VPS37A: variants seen among roughly 807,000 people sequenced by gnomAD.
The protein encoded by VPS37A is vacuolar protein sorting-associated protein 37A.
VPS37A carries 30 observed loss-of-function variants against 49.8 expected under a neutral mutation model. The ratio of observed to expected loss-of-function variants is 0.60; its 90% confidence interval spans 0.45 to 0.82. The LOEUF is 0.82. Among genes scored for constraint, VPS37A ranks in the 40% least tolerant of loss-of-function variants. The pLI is 0.00. For synonymous variants in VPS37A, 195 were observed against 160.6 expected (o/e 1.21, Z -1.62); for missense variants, 593 against 464.4 (o/e 1.28, Z -2.55).
downstream of VPS37A, chr8:17,304,367 G>C: frequency 6.2e-7 from 1 of 1,607,552 alleles, no homozygotes; most frequent in African/African-American, 1.3e-5. Flanking sequence ...AAGTTACCAA[G>C]GATTTACATA....
intron 1 of VPS37A, among the ~76,000 whole-genome samples, chr8:17,256,826 A>G (rs1037643948): frequency 4.0e-5 from 6 of 151,854 alleles, no homozygotes; most frequent in African/African-American, 9.7e-5. Flanking sequence ...CTAATTTTGT[A>G]TCTTTAGTAG....
In VPS37A at chr8:17,274,815, A is replaced by C. The variant is rs866464564; in HGVS notation, c.499A>C (p.Asn167His). 3 of 1,614,050 alleles carry C rather than the reference A, an allele frequency of 1.9e-6. No homozygotes were observed. In the African/African-American group the frequency reaches 4.0e-5, roughly 22 times the overall value. ...TCCTCCATATCCTCCACAAGAAGCA[A>C]ACAGGAGTATCACTTCTTTATCTGT... The part of the protein sequence containing the change: ...FLPPYPPQEA[N>H]RSITSLSVAD... The change falls in exon 5 of 12, where the codon AAC becomes CAC. Residue 167 changes from asparagine to histidine, a missense_variant. Coordinates refer to ENST00000324849, the MANE Select transcript of VPS37A (RefSeq NM_152415.3).
At chr8:17,330,351 G>C in the VPS37A span, among the ~76,000 whole-genome samples, 51,399 of 152,114 alleles carry the variant, frequency 0.34, 10,605 homozygotes, top group African/African-American at 0.56. Context: ...AGCGCAGACA[G>C]TGCATGGACA....
chr8:17,311,505 A>G, the VPS37A span: 1 of 1,614,040 alleles, frequency 6.2e-7, no homozygotes. Context: ...CAGTGGCCAC[A>G]CTCACCATGA....
At chr8:17,299,653 T>C, downstream of VPS37A, 1 of 625,144 alleles carries the variant, frequency 1.6e-6, no homozygotes. Context: ...TGGTGAATAA[T>C]TTTCCTTATA....
chr8:17,282,529 C>A (rs901590621), intron 9 of VPS37A, among the ~76,000 whole-genome samples: 2 of 151,848 alleles, frequency 1.3e-5, no homozygotes, highest in African/African-American at 2.4e-5. Context: ...ATTAAAAAAT[C>A]ATGAAATCAA....
At chr8:17,328,299 T>A in the VPS37A span, among the ~76,000 whole-genome samples, 1 of 152,144 alleles carries the variant, frequency 6.6e-6, no homozygotes, top group African/African-American at 2.4e-5. Context: ...CCTTTCCACC[T>A]TCCTCTTCAC....
chr8:17,329,084 C>G, the VPS37A span, among the ~76,000 whole-genome samples: 2 of 152,158 alleles, frequency 1.3e-5, no homozygotes, highest in Non-Finnish European at 2.9e-5. Flanking sequence ...CTGATTATAT[C>G]CATAACAGTA....
Position 17,284,497 on chromosome 8 carries a change from G to T in VPS37A, c.994G>T (p.Ala332Ser). The T allele has an allele frequency of 6.3e-7, 1 of 1,594,044 alleles. No individual in the cohort carries two copies. The change falls in exon 10 of 12, where the codon GCA becomes TCA. Residue 332 changes from alanine (A) to serine (S), a missense_variant. Transcript: ENST00000324849. Reference sequence around the variant, plus strand: ...GAGCTGTAGTGCAAGTGCCCTTCAGGCAAGATTGAAAGTAGCTGCACATGA... The same window carrying T: ...GAGCTGTAGTGCAAGTGCCCTTCAGTCAAGATTGAAAGTAGCTGCACATGA... ...SESCSASALQ[A>S]RLKVAAHEAE...
chr8:17,270,203 A>G (rs2410533), intron 4 of VPS37A, among the ~76,000 whole-genome samples: 1 of 151,966 alleles, frequency 6.6e-6, no homozygotes, highest in Non-Finnish European at 1.5e-5. Context: ...GGGGATTGCA[A>G]TTCAGTATGA....
the VPS37A span, chr8:17,311,481 C>A: frequency 6.2e-7 from 1 of 1,613,818 alleles, no homozygotes; most frequent in Non-Finnish European, 8.5e-7. Flanking sequence ...AAGGCACCGC[C>A]TGTGGGAATC....
rs1426451979 is a variant in VPS37A, at chr8:17,247,962, CAT to C, written c.125+595_125+596del. On this transcript the variant is annotated intron_variant, in intron 1 of 11. Coordinates refer to ENST00000324849, the MANE Select transcript of VPS37A (RefSeq NM_152415.3). ...GTGCATGTACATTTCTCACTTCTTT[CAT>C]AGTCTTGTCCCCACGCTCAAGAATT... The C allele has an allele frequency of 2.1e-4, 122 of 585,200 alleles. 1 individual carries two copies. The East Asian group carries it at 3.5e-3, about 17-fold the overall frequency. 36.3% of individuals were successfully genotyped at this position (585,200 alleles called of 1,614,324 possible).
intron 1 of VPS37A, chr8:17,248,340 C>T: frequency 2.2e-6 from 1 of 453,912 alleles, no homozygotes; most frequent in Non-Finnish European, 4.4e-6. Flanking sequence ...TCTCGGTTCA[C>T]TGCAACCTCC....
At chr8:17,312,827 C>T in the VPS37A span, among the ~76,000 whole-genome samples, 1 of 152,056 alleles carries the variant, frequency 6.6e-6, no homozygotes, top group East Asian at 1.9e-4. Flanking sequence ...CTGAACAACA[C>T]AAAAGACATT....
intron 2 of VPS37A, 108 bp downstream of exon 2, chr8:17,266,089 T>C: frequency 1.1e-6 from 1 of 921,890 alleles, no homozygotes; most frequent in East Asian, 2.7e-5. Context: ...TTCAAGTAAC[T>C]ATAATTTATA....
the VPS37A span, among the ~76,000 whole-genome samples, chr8:17,312,391 A>C: frequency 6.6e-5 from 10 of 152,110 alleles, no homozygotes; most frequent in Non-Finnish European, 1.3e-4. Context: ...CCTGACCAAC[A>C]TGGTGAAACC....
chr8:17,247,300 C>G lies in VPS37A; in HGVS notation c.56C>G (p.Pro19Arg). The change falls in exon 1 of 12, where the codon CCC (proline) becomes CGC (arginine). Residue 19 changes from proline (P) to arginine (R), a missense_variant. Coordinates refer to ENST00000324849, the MANE Select transcript of VPS37A (RefSeq NM_152415.3). ...KSASSSAAGS[P>R]GGLTSLQQQK... ...GCCTCCTCCTCCGCGGCTGGGTCCC[C>G]CGGTGGCCTCACCAGCCTCCAGCAG... The G allele has an allele frequency of 6.4e-7, 1 of 1,564,142 alleles. No homozygotes were observed. The highest frequency in any genetic ancestry group is 8.7e-7 in the Non-Finnish European group (1 of 1,154,454).
chr8:17,249,035 T>G (rs1444640019), intron 1 of VPS37A, among the ~76,000 whole-genome samples: 1 of 152,248 alleles, frequency 6.6e-6, no homozygotes, highest in Non-Finnish European at 1.5e-5. Flanking sequence ...ACCAAACCAG[T>G]CCTGCTATTG....
chr8:17,321,310 C>A, the VPS37A span, among the ~76,000 whole-genome samples: 2 of 152,196 alleles, frequency 1.3e-5, no homozygotes, highest in African/African-American at 4.8e-5. Flanking sequence ...AATGTCCCCA[C>A]GCTTCTCTGT....
Sources: allele counts gnomAD v4.1 joint callset (sites outside exome capture counted in the v4.1 genomes callset), GRCh38; gene constraint gnomAD v4.1.1; transcripts MANE v1.5; gene names NCBI Gene and HGNC (gene_info 2026-07-23, HGNC 2026-07-21).